The following TMEM117 variants were observed in gnomAD, a reference collection of about 807,000 sequenced individuals.
The protein encoded by TMEM117 is transmembrane protein 117.
A neutral mutation model predicts 52.4 loss-of-function variants in TMEM117; 27 were observed. The observed-to-expected ratio is 0.51, with a 90% CI of 0.38 to 0.71. TMEM117 has a LOEUF of 0.71. Ranked by LOEUF, TMEM117 falls within the 30% of genes least tolerant of loss-of-function variation. TMEM117 has a pLI of 0.00. For synonymous variants in TMEM117, 215 were observed against 206.3 expected (o/e 1.04, Z -0.36); for missense variants, 556 against 630.5 (o/e 0.88, Z 1.26).
chr12:44,092,141 T>G (rs2138046824), intron 3 of TMEM117, among the ~76,000 whole-genome samples: 1 of 152,318 alleles, frequency 6.6e-6, no homozygotes, highest in Admixed American at 6.5e-5. Context: ...AAGAATCCGA[T>G]ATGTATCAGC....
intron 5 of TMEM117, among the ~76,000 whole-genome samples, chr12:44,284,578 C>T (rs1950616338): frequency 6.6e-6 from 1 of 152,178 alleles, no homozygotes; most frequent in Non-Finnish European, 1.5e-5. Context: ...TTAGGTGCAT[C>T]CAACCTAATT....
the TMEM117 span, among the ~76,000 whole-genome samples, chr12:43,830,493 G>A: frequency 6.0e-5 from 9 of 150,816 alleles, no homozygotes; most frequent in Non-Finnish European, 1.0e-4. Context: ...GCCTGTAATC[G>A]CAGCTACTCA....
intron 6 of TMEM117, among the ~76,000 whole-genome samples, chr12:44,359,412 A>G (rs1015059167): frequency 6.6e-6 from 1 of 152,080 alleles, no homozygotes; most frequent in Non-Finnish European, 1.5e-5. Context: ...TTTTGCTTTT[A>G]CTGTGCATCT....
At chr12:43,842,062 A>AT (rs558007215) in intron 1 of TMEM117, among the ~76,000 whole-genome samples, 7 of 151,984 alleles carry the variant, frequency 4.6e-5, no homozygotes, top group South Asian at 2.1e-4. Flanking sequence ...CCAGTGATGA[A>AT]TTTTTTTTGT....
intron 5 of TMEM117, among the ~76,000 whole-genome samples, chr12:44,273,373 CATAT>C (rs144839729): frequency 4.0e-5 from 6 of 149,636 alleles, no homozygotes; most frequent in African/African-American, 1.5e-4. Flanking sequence ...AATAAATATA[CATAT>C]ATATATATAT....
intron 5 of TMEM117, among the ~76,000 whole-genome samples, chr12:44,218,677 T>C (rs1183556945): frequency 6.6e-6 from 1 of 152,156 alleles, no homozygotes; most frequent in African/African-American, 2.4e-5. Flanking sequence ...CACCCAGACA[T>C]AGAAAGACAT....
At chr12:44,343,822 C>T (rs1265818252) in intron 6 of TMEM117, among the ~76,000 whole-genome samples, 1 of 152,138 alleles carries the variant, frequency 6.6e-6, no homozygotes, top group African/African-American at 2.4e-5. Flanking sequence ...TCCAGTTTTA[C>T]ATCCTCAGTG....
chr12:43,869,337 T>C (rs1325088958), intron 2 of TMEM117, among the ~76,000 whole-genome samples: 3 of 152,230 alleles, frequency 2.0e-5, no homozygotes, highest in Admixed American at 6.5e-5. Context: ...TTTAATTCTA[T>C]TGTAGCATTT....
chr12:43,883,396 T>G (rs1943931794), intron 2 of TMEM117, among the ~76,000 whole-genome samples: 1 of 152,162 alleles, frequency 6.6e-6, no homozygotes, highest in African/African-American at 2.4e-5. Flanking sequence ...ATACAAAGCC[T>G]GCCAAAAATA....
intron 5 of TMEM117, among the ~76,000 whole-genome samples, chr12:44,291,797 T>C (rs1376696304): frequency 6.6e-6 from 1 of 152,104 alleles, no homozygotes; most frequent in Non-Finnish European, 1.5e-5. Flanking sequence ...ATCACATTTA[T>C]TGATTTGTGT....
At chr12:44,204,030 C>T (rs1301933513) in intron 4 of TMEM117, among the ~76,000 whole-genome samples, 2 of 152,010 alleles carry the variant, frequency 1.3e-5, no homozygotes, top group African/African-American at 4.8e-5. Context: ...TACCCACTCT[C>T]ATGACTACTA....
chr12:44,119,221 A>G (rs1473656851), intron 3 of TMEM117, among the ~76,000 whole-genome samples: 1 of 152,244 alleles, frequency 6.6e-6, no homozygotes, highest in Non-Finnish European at 1.5e-5. Context: ...TTATGTCATC[A>G]TATGCTGTGT....
intron 4 of TMEM117, among the ~76,000 whole-genome samples, chr12:44,205,260 C>T (rs1003409429): frequency 3.9e-5 from 6 of 152,110 alleles, no homozygotes; most frequent in African/African-American, 1.2e-4. Context: ...ATAAGACTCA[C>T]GAGACCTGAT....
chr12:44,297,582 T>C (rs1048120259), intron 5 of TMEM117, among the ~76,000 whole-genome samples: 1 of 152,172 alleles, frequency 6.6e-6, no homozygotes, highest in Non-Finnish European at 1.5e-5. Context: ...GTAAAGTGTA[T>C]ATATTTATAG....
At chr12:44,361,237 C>T (rs1022210350) in intron 6 of TMEM117, among the ~76,000 whole-genome samples, 3 of 152,140 alleles carry the variant, frequency 2.0e-5, no homozygotes, top group African/African-American at 7.2e-5. Context: ...GCAATTTATA[C>T]AGCTACATCC....
At chr12:44,323,649 A>G (rs1951161504) in intron 6 of TMEM117, among the ~76,000 whole-genome samples, 1 of 152,148 alleles carries the variant, frequency 6.6e-6, no homozygotes, top group Non-Finnish European at 1.5e-5. Flanking sequence ...TTTATAGAGC[A>G]CCTTTTTACA....
At chr12:44,148,490 T>C (rs1219404015) in intron 4 of TMEM117, among the ~76,000 whole-genome samples, 1 of 152,224 alleles carries the variant, frequency 6.6e-6, no homozygotes, top group African/African-American at 2.4e-5. Flanking sequence ...ATATTTTACC[T>C]TTCTATTTTA....
chr12:43,843,496 G>T (rs1943149281), intron 1 of TMEM117, among the ~76,000 whole-genome samples: 1 of 152,160 alleles, frequency 6.6e-6, no homozygotes, highest in African/African-American at 2.4e-5. Context: ...CAAGACTTTG[G>T]AGGTGGGCCT....
chr12:44,301,609 G>A (rs1343412155), intron 6 of TMEM117, among the ~76,000 whole-genome samples: 3 of 152,186 alleles, frequency 2.0e-5, no homozygotes, highest in African/African-American at 4.8e-5. Context: ...CAAGAGGAGG[G>A]ATGTAGTTGC....
Sources: gnomAD v4.1 joint callset for allele counts (sites outside exome capture counted in the v4.1 genomes callset) on GRCh38, gnomAD v4.1.1 for gene constraint, MANE v1.5 for transcripts, NCBI Gene and HGNC (gene_info 2026-07-23, HGNC 2026-07-21) for gene names.